Variants in ADCY7 observed in about 807,000 individuals in gnomAD.
ADCY7 encodes the protein adenylate cyclase type 7.
Under a neutral mutation model 120.6 loss-of-function variants are expected in ADCY7, and 72 were observed. That is an observed-to-expected ratio of 0.60 (90% CI 0.49 to 0.73). ADCY7 has a LOEUF of 0.73. Ranked by LOEUF, ADCY7 falls within the 30% of genes least tolerant of loss-of-function variation. The pLI is 0.00. For synonymous variants in ADCY7, 661 were observed against 628.0 expected (o/e 1.05, Z -0.78); for missense variants, 1,227 against 1,486.0 (o/e 0.83, Z 2.87).
At chr16:50,252,074 G>A (rs2032773684) in intron 1 of ADCY7, among the ~76,000 whole-genome samples, 1 of 152,228 alleles carries the variant, frequency 6.6e-6, no homozygotes, top group Non-Finnish European at 1.5e-5. Flanking sequence ...AAGAAGGGGT[G>A]CGGGGTGGCT....
At chr16:50,253,754 G>A (rs2032828517) in intron 1 of ADCY7, among the ~76,000 whole-genome samples, 1 of 152,206 alleles carries the variant, frequency 6.6e-6, no homozygotes, top group Admixed American at 6.5e-5. Context: ...GCCCAGGCTG[G>A]CACTGGAAGC....
intron 7 of ADCY7, 127 bp downstream of exon 7, chr16:50,294,878 G>A (rs1419030594): frequency 1.4e-5 from 9 of 651,524 alleles, no homozygotes; most frequent in Non-Finnish European, 2.1e-5. Flanking sequence ...TTAGCATCCA[G>A]CCAGCAAACA....
chr16:50,314,325 A>G lies in ADCY7; in HGVS notation c.2890A>G (p.Met964Val). 1 of 1,614,206 alleles carries G rather than the reference A, an allele frequency of 6.2e-7. No homozygotes were observed. The highest frequency in any genetic ancestry group is 8.5e-7 in the Non-Finnish European group (1 of 1,180,040). ...LERQHAHIGVMVEFSIALMSK... is the reference protein window; with the variant it reads ...LERQHAHIGVVVEFSIALMSK... ...GCGGCAGCATGCCCACATTGGTGTC[A>G]TGGTGGAGTTCAGCATCGCCCTGAT... The change falls in exon 24 of 26, where the codon ATG becomes GTG. Residue 964 changes from methionine to valine, a missense_variant. Transcript: ENST00000673801.
chr16:50,302,628 G>T (rs899849147), intron 10 of ADCY7, among the ~76,000 whole-genome samples: 1 of 133,954 alleles, frequency 7.5e-6, no homozygotes, highest in Non-Finnish European at 1.6e-5. Context: ...AGTTCAAAAG[G>T]TGTGAAGGGC....
chr16:50,274,743 G>A (rs1451132766), intron 1 of ADCY7, among the ~76,000 whole-genome samples: 3 of 152,140 alleles, frequency 2.0e-5, no homozygotes, highest in South Asian at 4.1e-4. Context: ...TGGGTGGCAC[G>A]CTGAGCTCTG....
intron 14 of ADCY7, 107 bp from the exon 15 acceptor site, chr16:50,306,943 G>A: frequency 3.7e-6 from 3 of 819,280 alleles, no homozygotes; most frequent in Middle Eastern, 3.5e-4. Flanking sequence ...ACAAGCGTGA[G>A]CCACTGTCCC....
intron 1 of ADCY7, among the ~76,000 whole-genome samples, chr16:50,259,628 G>C (rs574182385): frequency 6.6e-6 from 1 of 152,288 alleles, no homozygotes; most frequent in East Asian, 1.9e-4. Context: ...TCGCTTACAT[G>C]AAGTCGGGCT....
At chr16:50,293,264 TG>T in intron 5 of ADCY7, 89 bp from the exon 6 acceptor site, 1 of 1,466,556 alleles carries the variant, frequency 6.8e-7, no homozygotes, top group Non-Finnish European at 9.3e-7. Flanking sequence ...AGGCCAGGTC[TG>T]GGACCTGATG....
chr16:50,277,152 C>T (rs2150874532), intron 1 of ADCY7, among the ~76,000 whole-genome samples: 1 of 152,300 alleles, frequency 6.6e-6, no homozygotes, highest in Middle Eastern at 3.4e-3. Flanking sequence ...GGCTTTTTGA[C>T]AGCTGCATAG....
intron 21 of ADCY7, 128 bp from the exon 22 acceptor site, chr16:50,312,762 G>GCCCCCCC: frequency 2.6e-6 from 2 of 770,286 alleles, no homozygotes; most frequent in South Asian, 2.2e-5. Context: ...CATGCAGCCC[G>GCCCCCCC]CCCCCCTCCC....
chr16:50,315,603 T>C lies in ADCY7; in HGVS notation c.*98T>C. On this transcript the variant is annotated 3_prime_UTR_variant, in exon 26 of 26. Transcript: ENST00000673801. ...CCGCCCCACGCCAATCCCAAAGGCA[T>C]GCAGATGGCTGTGCATGTTGGCTTC... 6.9e-7 allele frequency: 1 copy of C among 1,450,580 alleles called. No individual in the cohort carries two copies. The highest frequency in any genetic ancestry group is 9.4e-7 in the Non-Finnish European group (1 of 1,065,388). 89.9% of individuals were successfully genotyped at this position (1,450,580 alleles called of 1,614,324 possible).
chr16:50,267,402 GC>G (rs1201417808), intron 1 of ADCY7, among the ~76,000 whole-genome samples: 2 of 152,218 alleles, frequency 1.3e-5, no homozygotes, highest in African/African-American at 4.8e-5. Flanking sequence ...TCCCTGGACA[GC>G]CATTGCTGGA....
chr16:50,298,750 A>G (rs1215257808), intron 7 of ADCY7, among the ~76,000 whole-genome samples, 154 bp from the exon 8 acceptor site: 1 of 152,106 alleles, frequency 6.6e-6, no homozygotes, highest in African/African-American at 2.4e-5. Flanking sequence ...GCCTTTTGCC[A>G]GGCCCAGAAG....
At chr16:50,272,241 C>T (rs2033620778) in intron 1 of ADCY7, among the ~76,000 whole-genome samples, 2 of 152,110 alleles carry the variant, frequency 1.3e-5, no homozygotes, top group South Asian at 4.1e-4. Flanking sequence ...GATGCCACCA[C>T]CCGCCTTCTA....
At chr16:50,311,613 T>C in intron 19 of ADCY7, 80 bp from the exon 20 acceptor site, 1 of 986,570 alleles carries the variant, frequency 1.0e-6, no homozygotes, top group South Asian at 1.3e-5. Context: ...CCCCTGGGTG[T>C]GCGTGGCACC....
intron 1 of ADCY7, among the ~76,000 whole-genome samples, chr16:50,285,107 T>G (rs2034499414): frequency 6.6e-6 from 1 of 152,238 alleles, no homozygotes; most frequent in Admixed American, 6.5e-5. Context: ...TGTAAACTAG[T>G]GGGCTGCAAA....
chr16:50,311,598 CCT>C, intron 19 of ADCY7, 93 bp from the exon 20 acceptor site: 4 of 878,682 alleles, frequency 4.6e-6, no homozygotes, highest in Non-Finnish European at 7.7e-6. Flanking sequence ...TCAATTTTCC[CCT>C]TTCCCCTGGG....
chr16:50,268,950 T>A (rs144988000), intron 1 of ADCY7, among the ~76,000 whole-genome samples: 219 of 152,178 alleles, frequency 1.4e-3, no homozygotes, highest in African/African-American at 5.1e-3. Flanking sequence ...GGCAGGAGGA[T>A]CCTTTGAGCC....
chr16:50,274,579 G>T (rs115352463), intron 1 of ADCY7, among the ~76,000 whole-genome samples: 3,103 of 152,270 alleles, frequency 0.02, 122 homozygotes, highest in African/African-American at 0.07. Flanking sequence ...GAAGCCTCGG[G>T]GAAGTGAGGG....
Sources: gnomAD v4.1 joint callset for allele counts (sites outside exome capture counted in the v4.1 genomes callset) on GRCh38, gnomAD v4.1.1 for gene constraint, MANE v1.5 for transcripts, NCBI Gene and HGNC (gene_info 2026-07-23, HGNC 2026-07-21) for gene names.